The following TTC33 variants were observed in gnomAD, a reference collection of about 807,000 sequenced individuals.
TTC33 encodes tetratricopeptide repeat domain 33.
Under a neutral mutation model 29.4 loss-of-function variants are expected in TTC33, and 24 were observed. That is an observed-to-expected ratio of 0.82 (90% confidence interval 0.59 to 1.15). The LOEUF is 1.15. Ranked by LOEUF, TTC33 falls within the 50% of genes most tolerant of loss-of-function variation. The pLI is 0.00. For missense variants in TTC33, 286 were observed against 310.4 expected (o/e 0.92, Z 0.59); for synonymous variants, 107 against 100.3 (o/e 1.07, Z -0.40).
intron 4 of TTC33, among the ~76,000 whole-genome samples, chr5:40,723,512 TAA>T (rs34823449): frequency 0.32 from 45,854 of 143,578 alleles, 7,409 homozygotes; most frequent in East Asian, 0.58. Flanking sequence ...TAACTCAAAT[TAA>T]AAAAAAAAAA....
chr5:40,750,568 A>G (rs1742877425), intron 1 of TTC33, among the ~76,000 whole-genome samples: 1 of 151,220 alleles, frequency 6.6e-6, no homozygotes, highest in South Asian at 2.1e-4. Context: ...TTTGTCTCCA[A>G]AAAAAAAACA....
chr5:40,733,782 T>C (rs1742487758), intron 2 of TTC33, among the ~76,000 whole-genome samples: 1 of 152,208 alleles, frequency 6.6e-6, no homozygotes, highest in Admixed American at 6.5e-5. Flanking sequence ...AAGCTGCTTA[T>C]GTTCCTAAGC....
chr5:40,740,071 T>C (rs565417221), intron 2 of TTC33, among the ~76,000 whole-genome samples: 1 of 152,288 alleles, frequency 6.6e-6, no homozygotes, highest in Non-Finnish European at 1.5e-5. Flanking sequence ...CTAATAGCAA[T>C]ATAATTCCAT....
intron 1 of TTC33, among the ~76,000 whole-genome samples, chr5:40,749,443 A>G (rs902718288): frequency 6.6e-6 from 1 of 152,226 alleles, no homozygotes; most frequent in Non-Finnish European, 1.5e-5. Flanking sequence ...CTAGAGAAAC[A>G]GAGAAAAAAA....
chr5:40,737,745 TACCCCA>T (rs1172590184), intron 2 of TTC33, among the ~76,000 whole-genome samples: 1 of 152,218 alleles, frequency 6.6e-6, no homozygotes, highest in African/African-American at 2.4e-5. Flanking sequence ...TCGGGAAATC[TACCCCA>T]ACTGCTGACC....
chr5:40,733,598 T>C (rs1412377668), intron 2 of TTC33, among the ~76,000 whole-genome samples: 1 of 152,138 alleles, frequency 6.6e-6, no homozygotes. Flanking sequence ...TATCACCCCA[T>C]AGAAGGCATT....
At chr5:40,719,767 G>T (rs1742086197) in intron 4 of TTC33, among the ~76,000 whole-genome samples, 1 of 152,150 alleles carries the variant, frequency 6.6e-6, no homozygotes, top group African/African-American at 2.4e-5. Context: ...ATGTGGTTTT[G>T]ATTTTCATTT....
chr5:40,742,780 A>T (rs1742721174), intron 2 of TTC33, among the ~76,000 whole-genome samples: 1 of 152,228 alleles, frequency 6.6e-6, no homozygotes, highest in African/African-American at 2.4e-5. Flanking sequence ...TTTATTCCCA[A>T]AGGTCCTTTG....
chr5:40,747,135 C>T (rs1023456239), intron 1 of TTC33, 116 bp from the exon 2 acceptor site: 44 of 848,966 alleles, frequency 5.2e-5, no homozygotes, highest in East Asian at 4.5e-4. Context: ...CTCGGCTCAC[C>T]GTAACCTCCG....
At chr5:40,751,705 T>C (rs974107454) in intron 1 of TTC33, among the ~76,000 whole-genome samples, 6 of 152,134 alleles carry the variant, frequency 3.9e-5, no homozygotes, top group African/African-American at 1.4e-4. Flanking sequence ...ACACCTGTAA[T>C]CTCAGCACTT....
chr5:40,716,296 G>GC lies in TTC33; in HGVS notation c.637dup (p.Ala213GlyfsTer8). The GC allele has an allele frequency of 6.2e-7, 1 of 1,614,140 alleles. No individual in the cohort carries two copies. The highest frequency in any genetic ancestry group is 8.5e-7 in the Non-Finnish European group (1 of 1,180,020). On this transcript the variant is annotated frameshift_variant, in exon 5 of 5. Transcript: ENST00000337702. LOFTEE classifies it high-confidence loss of function. ...TTTCTCAGCAATAGCTGCACAAACA[G>GC]CAACAATCTCATCACTTTCAAAGTC...
rs1461079629 is a variant in TTC33, at chr5:40,738,492, T to C, written c.222-8149A>G. Among the ~76,000 whole-genome samples the C allele has an allele frequency of 6.2e-5, 8 of 128,228 alleles. No homozygotes were observed. The East Asian group carries it at 1.7e-3, about 28-fold the overall frequency. 84.1% of individuals were successfully genotyped at this position (128,228 alleles called of 152,430 possible). On this transcript the variant is annotated intron_variant, in intron 2 of 4. Coordinates refer to ENST00000337702, the MANE Select transcript of TTC33 (RefSeq NM_012382.3). ...TACAATACAATACAATACAATACAA[T>C]ACAATACAATACAATAAAATACAAT...
At chr5:40,740,957 ACTC>A (rs1579687766) in intron 2 of TTC33, among the ~76,000 whole-genome samples, 1 of 150,116 alleles carries the variant, frequency 6.7e-6, no homozygotes, top group Admixed American at 6.6e-5. Context: ...CTTCCATTTC[ACTC>A]CTCATTATGT....
At chr5:40,745,389 A>G (rs1266736347) in intron 2 of TTC33, among the ~76,000 whole-genome samples, 1 of 152,154 alleles carries the variant, frequency 6.6e-6, no homozygotes, top group African/African-American at 2.4e-5. Context: ...TTTCAAATAG[A>G]TCAGCAAAAA....
chr5:40,716,609 T>A, intron 4 of TTC33, 111 bp from the exon 5 acceptor site: 1 of 685,860 alleles, frequency 1.5e-6, no homozygotes. Flanking sequence ...CCTAATGCAT[T>A]ATCTTAATGT....
At chr5:40,722,723 C>T (rs1260846789) in intron 4 of TTC33, among the ~76,000 whole-genome samples, 3 of 151,342 alleles carry the variant, frequency 2.0e-5, no homozygotes, top group Admixed American at 2.0e-4. Context: ...GCGCCCCGTC[C>T]GGGAGGTGGC....
intron 2 of TTC33, among the ~76,000 whole-genome samples, chr5:40,740,346 G>A (rs1322864529): frequency 6.6e-6 from 1 of 151,374 alleles, no homozygotes. Context: ...CTGGTAATGG[G>A]TTATCTCAGC....
At chr5:40,741,230 A>C (rs1424317604) in intron 2 of TTC33, among the ~76,000 whole-genome samples, 1 of 152,238 alleles carries the variant, frequency 6.6e-6, no homozygotes, top group Non-Finnish European at 1.5e-5. Flanking sequence ...TGAACCCTTC[A>C]AAAACTATTT....
At chr5:40,734,312 GT>G (rs1312568301) in intron 2 of TTC33, among the ~76,000 whole-genome samples, 20 of 92,924 alleles carry the variant, frequency 2.2e-4, no homozygotes, top group East Asian at 5.9e-4. Flanking sequence ...TTCAACTTCA[GT>G]TTGGAACAGA....
Sources: gnomAD v4.1 joint callset for allele counts (sites outside exome capture counted in the v4.1 genomes callset) on GRCh38, gnomAD v4.1.1 for gene constraint, MANE v1.5 for transcripts, NCBI Gene and HGNC (gene_info 2026-07-23, HGNC 2026-07-21) for gene names.